NEGR1: variants seen among roughly 807,000 people sequenced by gnomAD.
NEGR1 encodes neuronal growth regulator 1.
NEGR1 carries 10 observed loss-of-function variants against 40.9 expected under a neutral mutation model. That is an observed-to-expected ratio of 0.24 (90% CI 0.15 to 0.42). The LOEUF (loss-of-function observed/expected upper bound fraction) is 0.42, where lower values mean the gene tolerates loss of function less well. Ranked by LOEUF, NEGR1 falls within the 10% of genes least tolerant of loss-of-function variation. The probability of loss-of-function intolerance (pLI) is 1.00; values close to 1 mark genes in which losing one functional copy is unlikely to be tolerated. For missense variants in NEGR1, 352 were observed against 438.9 expected, an observed-to-expected ratio of 0.80 and a Z score of 1.77; for synonymous variants, 185 against 166.8, an observed-to-expected ratio of 1.11 and a Z score of -0.84.
intron 3 of NEGR1, among the ~76,000 whole-genome samples, chr1:71,766,351 A>G (rs1046664916): frequency 2.0e-5 from 3 of 152,232 alleles, no homozygotes; most frequent in South Asian, 2.1e-4. Context: ...TAAATTGAGC[A>G]TTCTTTATCT....
At chr1:71,969,419 T>A (rs1281537911) in intron 1 of NEGR1, among the ~76,000 whole-genome samples, 1 of 152,198 alleles carries the variant, frequency 6.6e-6, no homozygotes, top group African/African-American at 2.4e-5. Flanking sequence ...CTTGCTTCTG[T>A]CATCATGTGA....
At chr1:72,239,780 C>T (rs990570917) in intron 1 of NEGR1, among the ~76,000 whole-genome samples, 6 of 150,608 alleles carry the variant, frequency 4.0e-5, no homozygotes, top group African/African-American at 1.2e-4. Flanking sequence ...GTAAAACTTC[C>T]AAAAAAAATT....
intron 2 of NEGR1, among the ~76,000 whole-genome samples, chr1:71,790,611 T>G (rs1012164827): frequency 6.6e-6 from 1 of 151,958 alleles, no homozygotes; most frequent in South Asian, 2.1e-4. Flanking sequence ...TATGGTAGAA[T>G]TCAGGTGATT....
chr1:71,819,477 T>C (rs1658348493), intron 2 of NEGR1, among the ~76,000 whole-genome samples: 1 of 151,752 alleles, frequency 6.6e-6, no homozygotes. Flanking sequence ...GAAAAAGGAA[T>C]GATCATAGAA....
chr1:71,595,163 G>A (rs980601449), intron 5 of NEGR1, among the ~76,000 whole-genome samples: 2 of 152,164 alleles, frequency 1.3e-5, no homozygotes, highest in African/African-American at 4.8e-5. Context: ...CTCTGTATGT[G>A]TGGGCCCATT....
At chr1:71,937,094 T>G (rs1482885942) in intron 1 of NEGR1, among the ~76,000 whole-genome samples, 1 of 152,152 alleles carries the variant, frequency 6.6e-6, no homozygotes, top group Non-Finnish European at 1.5e-5. Flanking sequence ...GTCAACTGTA[T>G]GAAACTAATC....
At chr1:71,921,943 CA>C (rs1557434863) in intron 2 of NEGR1, among the ~76,000 whole-genome samples, 1 of 151,448 alleles carries the variant, frequency 6.6e-6, no homozygotes, top group South Asian at 2.1e-4. Flanking sequence ...AACTGTATTT[CA>C]AAAAAAGGAT....
chr1:72,027,614 T>G (rs1026327401), intron 1 of NEGR1, among the ~76,000 whole-genome samples: 1 of 152,166 alleles, frequency 6.6e-6, no homozygotes, highest in African/African-American at 2.4e-5. Flanking sequence ...TTTTTATTAG[T>G]CTTTCAAATT....
chr1:72,110,046 A>C (rs1649292675), intron 1 of NEGR1, among the ~76,000 whole-genome samples: 1 of 151,458 alleles, frequency 6.6e-6, no homozygotes, highest in Non-Finnish European at 1.5e-5. Flanking sequence ...AACTTTTAGA[A>C]CTTGTCCTGG....
chr1:72,163,651 T>C (rs1175114743), intron 1 of NEGR1, among the ~76,000 whole-genome samples: 1 of 151,976 alleles, frequency 6.6e-6, no homozygotes, highest in Non-Finnish European at 1.5e-5. Context: ...CTTCTAAACA[T>C]TAATTTTGTC....
intron 6 of NEGR1, among the ~76,000 whole-genome samples, chr1:71,549,401 G>A (rs530494828): frequency 6.6e-6 from 1 of 151,804 alleles, no homozygotes; most frequent in African/African-American, 2.4e-5. Context: ...GTTCCTCCAT[G>A]CTTTGGCACA....
rs1281639699 is a variant in NEGR1, at chr1:71,761,534, G to T, written c.535+14638C>A. ...TTACAATATTAAACTTATAGCTGAG[G>T]TATATCCATAGCAATACTTGTGAAA... On this transcript the variant is annotated intron_variant, in intron 3 of 6. Transcript: ENST00000357731. 2.6e-5 allele frequency among the ~76,000 whole-genome samples: 4 copies of T among 152,210 alleles called. No individual in the cohort carries two copies. In the East Asian group the frequency reaches 7.7e-4, roughly 29 times the overall value.
chr1:71,752,579 TC>T (rs1655605882), intron 3 of NEGR1, among the ~76,000 whole-genome samples: 4 of 152,204 alleles, frequency 2.6e-5, no homozygotes. Context: ...CATGAACCTA[TC>T]TTTGGTTTAT....
chr1:71,996,144 A>G (rs983161880), intron 1 of NEGR1, among the ~76,000 whole-genome samples: 2 of 152,262 alleles, frequency 1.3e-5, no homozygotes, highest in East Asian at 3.9e-4. Context: ...CTGGATGTAT[A>G]ATAAATATGA....
At chr1:71,693,314 C>A (rs1653356797) in intron 4 of NEGR1, among the ~76,000 whole-genome samples, 1 of 151,638 alleles carries the variant, frequency 6.6e-6, no homozygotes, top group East Asian at 1.9e-4. Context: ...AACCTAATAT[C>A]TTTTCTCTAT....
chr1:72,102,893 T>C (rs2100248805), intron 1 of NEGR1, among the ~76,000 whole-genome samples: 1 of 152,192 alleles, frequency 6.6e-6, no homozygotes, highest in South Asian at 2.1e-4. Flanking sequence ...AAGTAGCACA[T>C]GAAACGATTT....
intron 1 of NEGR1, among the ~76,000 whole-genome samples, chr1:72,171,344 A>G (rs1404049346): frequency 6.6e-6 from 1 of 152,194 alleles, no homozygotes; most frequent in East Asian, 1.9e-4. Context: ...TCAAAAATCT[A>G]CAGACGCTCA....
intron 1 of NEGR1, among the ~76,000 whole-genome samples, chr1:71,983,838 A>C (rs61767468): frequency 1.4e-4 from 22 of 152,296 alleles, no homozygotes; most frequent in African/African-American, 5.1e-4. Context: ...TAATTGATTA[A>C]CTTATTTTTT....
intron 6 of NEGR1, among the ~76,000 whole-genome samples, chr1:71,544,155 G>C (rs1375526736): frequency 6.6e-6 from 1 of 151,554 alleles, no homozygotes; most frequent in Admixed American, 6.6e-5. Context: ...TCAACTATTT[G>C]CTGAAATAGT....
Sources: gnomAD v4.1 joint callset for allele counts (sites outside exome capture counted in the v4.1 genomes callset) on GRCh38, gnomAD v4.1.1 for gene constraint, MANE v1.5 for transcripts, NCBI Gene and HGNC (gene_info 2026-07-23, HGNC 2026-07-21) for gene names.